Variants in CNTNAP2 observed in about 807,000 individuals in gnomAD.
CNTNAP2 encodes the protein contactin-associated protein-like 2.
CNTNAP2 carries 98 observed loss-of-function variants against 155.2 expected under a neutral mutation model. The ratio of observed to expected loss-of-function variants is 0.63; its 90% CI spans 0.54 to 0.75. The LOEUF (loss-of-function observed/expected upper bound fraction) is 0.75, where lower values mean the gene tolerates loss of function less well. CNTNAP2 is among the 30% of genes least tolerant of loss of function. The pLI is 0.00. For missense variants in CNTNAP2, 1,727 were observed against 1,688.1 expected (o/e 1.02, Z -0.40); for synonymous variants, 651 against 631.2 (o/e 1.03, Z -0.47).
chr7:147,976,610 C>T (rs948840922), intron 14 of CNTNAP2, among the ~76,000 whole-genome samples: 118 of 152,292 alleles, frequency 7.7e-4, no homozygotes, highest in African/African-American at 2.8e-3. Context: ...GGCCAACTGG[C>T]CAAGTTCTGT....
chr7:147,992,420 T>A (rs1156663659), intron 15 of CNTNAP2, among the ~76,000 whole-genome samples: 2 of 152,128 alleles, frequency 1.3e-5, no homozygotes, highest in African/African-American at 4.8e-5. Context: ...CCTCTATTAC[T>A]ACCTGTAAAA....
chr7:146,804,500 T>G (rs981053081), intron 2 of CNTNAP2, among the ~76,000 whole-genome samples: 1 of 152,168 alleles, frequency 6.6e-6, no homozygotes, highest in Non-Finnish European at 1.5e-5. Flanking sequence ...ATTTTCTTTT[T>G]GAATGGAAAA....
chr7:146,456,371 C>T (rs1003515226), intron 1 of CNTNAP2, among the ~76,000 whole-genome samples: 17 of 152,104 alleles, frequency 1.1e-4, no homozygotes, highest in African/African-American at 4.1e-4. Flanking sequence ...TCTTATCTAC[C>T]TATGATTTAG....
At chr7:148,177,913 C>G (rs1406411277) in intron 18 of CNTNAP2, among the ~76,000 whole-genome samples, 1 of 137,618 alleles carries the variant, frequency 7.3e-6, no homozygotes, top group African/African-American at 2.8e-5. Flanking sequence ...TTTTTTGCTA[C>G]ATCTAGGTGT....
chr7:146,453,875 A>G (rs1329092756), intron 1 of CNTNAP2, among the ~76,000 whole-genome samples: 3 of 152,186 alleles, frequency 2.0e-5, no homozygotes, highest in Admixed American at 2.0e-4. Flanking sequence ...GAAAAAAATG[A>G]CTGACAAAAA....
At chr7:146,590,192 G>A (rs913404605) in intron 1 of CNTNAP2, among the ~76,000 whole-genome samples, 3 of 152,170 alleles carry the variant, frequency 2.0e-5, no homozygotes, top group Admixed American at 1.3e-4. Context: ...GCCACAAGTT[G>A]TTTCTTCTAC....
intron 3 of CNTNAP2, among the ~76,000 whole-genome samples, chr7:146,942,392 C>G (rs189525092): frequency 2.3e-4 from 35 of 151,900 alleles, no homozygotes; most frequent in African/African-American, 8.0e-4. Context: ...AATGACATTA[C>G]AGTTATTGAA....
chr7:147,039,568 C>T (rs1404113966), intron 3 of CNTNAP2, among the ~76,000 whole-genome samples: 1 of 152,206 alleles, frequency 6.6e-6, no homozygotes, highest in Non-Finnish European at 1.5e-5. Context: ...ATATGTAGCA[C>T]ATTTTCTTCA....
At chr7:147,977,535 C>T (rs1410163881) in intron 14 of CNTNAP2, among the ~76,000 whole-genome samples, 1 of 152,164 alleles carries the variant, frequency 6.6e-6, no homozygotes, top group Non-Finnish European at 1.5e-5. Context: ...TCCATGACAA[C>T]AGCAAACTCT....
intron 11 of CNTNAP2, among the ~76,000 whole-genome samples, chr7:147,505,759 T>A (rs761468455): frequency 1.3e-5 from 2 of 152,250 alleles, no homozygotes; most frequent in Non-Finnish European, 2.9e-5. Context: ...AGCTGTAGGT[T>A]ATAATACACA....
intron 15 of CNTNAP2, among the ~76,000 whole-genome samples, chr7:148,069,958 T>G (rs987986228): frequency 2.6e-5 from 4 of 152,226 alleles, no homozygotes; most frequent in African/African-American, 9.7e-5. Flanking sequence ...CATATGTGGA[T>G]GTATTTAATT....
chr7:148,215,753 G>T (rs748240580), intron 18 of CNTNAP2, among the ~76,000 whole-genome samples: 1 of 151,976 alleles, frequency 6.6e-6, no homozygotes, highest in Non-Finnish European at 1.5e-5. Context: ...TTTTAGGGAC[G>T]AAATTGAGGC....
intron 1 of CNTNAP2, among the ~76,000 whole-genome samples, chr7:146,156,167 T>C (rs754217173): frequency 9.9e-5 from 15 of 152,174 alleles, no homozygotes; most frequent in Non-Finnish European, 2.1e-4. Context: ...TGACAAAGTA[T>C]TAAATGTGCA....
intron 3 of CNTNAP2, among the ~76,000 whole-genome samples, chr7:146,856,546 A>T (rs1391190747): frequency 6.6e-6 from 1 of 152,164 alleles, no homozygotes; most frequent in Non-Finnish European, 1.5e-5. Flanking sequence ...TGATGGGGAG[A>T]AGTAAATTTG....
intron 1 of CNTNAP2, among the ~76,000 whole-genome samples, chr7:146,261,294 A>C (rs535236260): frequency 6.6e-6 from 1 of 152,074 alleles, no homozygotes; most frequent in African/African-American, 2.4e-5. Flanking sequence ...CAAAAAATTA[A>C]TAACATTTTA....
chr7:146,559,734 T>G (rs1367164334), intron 1 of CNTNAP2, among the ~76,000 whole-genome samples: 1 of 152,162 alleles, frequency 6.6e-6, no homozygotes, highest in African/African-American at 2.4e-5. Flanking sequence ...TTGGATAGAT[T>G]TCAGCCCATT....
intron 1 of CNTNAP2, among the ~76,000 whole-genome samples, chr7:146,692,987 C>G (rs956741435): frequency 6.6e-6 from 1 of 152,004 alleles, no homozygotes; most frequent in Non-Finnish European, 1.5e-5. Context: ...CTATAGTATA[C>G]GGTAAAAGGG....
intron 8 of CNTNAP2, among the ~76,000 whole-genome samples, chr7:147,249,638 A>G (rs1804147217): frequency 7.3e-6 from 1 of 137,628 alleles, no homozygotes; most frequent in South Asian, 2.4e-4. Flanking sequence ...TTTCAGCACC[A>G]ATCTTCAATC....
At position 148,415,493 on chromosome 7, in the gene CNTNAP2, C is replaced by T. The variant is rs780026745; in HGVS notation, c.3873C>T (p.Gly1291=). The change falls in exon 24 of 24, where the codon GGC becomes GGT. Residue 1291 remains glycine (G), a synonymous_variant. Coordinates refer to ENST00000361727, the MANE Select transcript of CNTNAP2 (RefSeq NM_014141.6). ...TCCGGTACATGTTCCGCCACAAGGG[C>T]ACCTACCATACCAACGAAGCAAAGG... ...FLIRYMFRHK[G]TYHTNEAKGA... is the part of the protein sequence containing the mutation. The T allele has an allele frequency of 2.7e-5, 43 of 1,614,090 alleles. No individual in the cohort carries two copies. Among genetic ancestry groups the T allele is most frequent in the Non-Finnish European group, 3.5e-5 (41 of 1,180,044 alleles).
Sources: allele counts gnomAD v4.1 joint callset (sites outside exome capture counted in the v4.1 genomes callset), GRCh38; gene constraint gnomAD v4.1.1; transcripts MANE v1.5; gene names NCBI Gene and HGNC (gene_info 2026-07-23, HGNC 2026-07-21).